Variants in SLC24A3 observed in about 807,000 individuals in gnomAD.
SLC24A3 encodes solute carrier family 24 member 3, also known as sodium/potassium/calcium exchanger 3.
SLC24A3 carries 28 observed loss-of-function variants against 75.8 expected under a neutral mutation model. That is an observed-to-expected ratio of 0.37 (90% CI 0.27 to 0.51). The LOEUF (loss-of-function observed/expected upper bound fraction) is 0.51, where lower values mean the gene tolerates loss of function less well. SLC24A3 is among the 20% of genes least tolerant of loss of function. The pLI is 0.94. For missense variants in SLC24A3, 663 were observed against 847.8 expected (o/e 0.78, Z 2.71); for synonymous variants, 372 against 334.1 (o/e 1.11, Z -1.24).
intron 2 of SLC24A3, among the ~76,000 whole-genome samples, chr20:19,481,369 A>G (rs975838274): frequency 5.3e-5 from 8 of 152,210 alleles, no homozygotes; most frequent in Admixed American, 3.9e-4. Flanking sequence ...GTATGAGGCC[A>G]CAGCCACCAT....
Position 19,693,441 on chromosome 20 carries a change from AC to A in SLC24A3, c.1491+20del. On this transcript the variant is annotated intron_variant, in intron 13 of 16. Transcript: ENST00000328041. ...GGTGTGGATGGTGAGTGCAATCGGG[AC>A]CCCATGGCACTGTTAAATCTCTTTA... The A allele has an allele frequency of 6.2e-7, 1 of 1,612,016 alleles. No homozygotes were observed. Among genetic ancestry groups the A allele is most frequent in the East Asian group, 2.2e-5 (1 of 44,868 alleles).
chr20:19,225,985 T>A (rs1981858115), intron 1 of SLC24A3, among the ~76,000 whole-genome samples: 1 of 152,198 alleles, frequency 6.6e-6, no homozygotes, highest in South Asian at 2.1e-4. Flanking sequence ...TGGACATCCT[T>A]GTCTTGTGTC....
At chr20:19,487,655 A>C (rs1326856683) in intron 2 of SLC24A3, among the ~76,000 whole-genome samples, 1 of 152,186 alleles carries the variant, frequency 6.6e-6, no homozygotes, top group African/African-American at 2.4e-5. Flanking sequence ...GATATCAAGA[A>C]ATTCCATCTT....
At chr20:19,422,337 C>G (rs1418429521) in intron 2 of SLC24A3, among the ~76,000 whole-genome samples, 2 of 152,108 alleles carry the variant, frequency 1.3e-5, no homozygotes, top group Admixed American at 6.5e-5. Flanking sequence ...CAGGCTGCTA[C>G]TGGCTAGACG....
At chr20:19,387,313 C>CT (rs1986288943) in intron 2 of SLC24A3, among the ~76,000 whole-genome samples, 3 of 151,196 alleles carry the variant, frequency 2.0e-5, no homozygotes, top group Admixed American at 6.6e-5. Context: ...CTTTTTATTG[C>CT]TTTTTTCTCT....
chr20:19,709,826 G>A (rs2032970657), intron 15 of SLC24A3, among the ~76,000 whole-genome samples: 1 of 152,134 alleles, frequency 6.6e-6, no homozygotes, highest in Non-Finnish European at 1.5e-5. Context: ...ACCTCTCTGA[G>A]CCTCAGTTGT....
chr20:19,403,075 G>A (rs1210783667), intron 2 of SLC24A3, among the ~76,000 whole-genome samples: 1 of 152,188 alleles, frequency 6.6e-6, no homozygotes, highest in East Asian at 1.9e-4. Flanking sequence ...CAGGTAATGT[G>A]AGATGTCGTG....
At chr20:19,290,969 G>A (rs1397181421) in intron 2 of SLC24A3, among the ~76,000 whole-genome samples, 1 of 152,190 alleles carries the variant, frequency 6.6e-6, no homozygotes, top group African/African-American at 2.4e-5. Context: ...AAACACCAGG[G>A]TGTGTTTCAC....
rs1039167231 is a variant in SLC24A3 at position 19,602,753 on chromosome 20, C to T, written c.612+17209C>T. On this transcript the variant is annotated intron_variant, in intron 6 of 16. Coordinates refer to ENST00000328041, the MANE Select transcript of SLC24A3 (RefSeq NM_020689.4). ...ACGTACATGAAATCCCTGCTTATGG[C>T]TCTGTCCAGAGGAGGCCTGTCCAAA... 5.3e-5 allele frequency among the ~76,000 whole-genome samples: 8 copies of T among 152,198 alleles called. No individual in the cohort carries two copies. In the East Asian group the frequency reaches 5.8e-4, roughly 11 times the overall value.
intron 2 of SLC24A3, among the ~76,000 whole-genome samples, chr20:19,326,401 C>T (rs1240557869): frequency 1.3e-5 from 2 of 152,070 alleles, no homozygotes; most frequent in African/African-American, 2.4e-5. Context: ...ATCCTGACTA[C>T]TCTCTTCTTT....
intron 3 of SLC24A3, among the ~76,000 whole-genome samples, chr20:19,526,347 C>T (rs1316035631): frequency 6.6e-6 from 1 of 152,148 alleles, no homozygotes; most frequent in African/African-American, 2.4e-5. Flanking sequence ...TATTCTGGGC[C>T]TCAGTGTCTC....
intron 15 of SLC24A3, among the ~76,000 whole-genome samples, chr20:19,707,470 A>G (rs1395900561): frequency 1.3e-5 from 2 of 152,220 alleles, no homozygotes; most frequent in Non-Finnish European, 2.9e-5. Flanking sequence ...AGCTATTGCA[A>G]ACTTTTCAGG....
At chr20:19,286,485 G>A (rs1320480864) in intron 2 of SLC24A3, among the ~76,000 whole-genome samples, 1 of 151,986 alleles carries the variant, frequency 6.6e-6, no homozygotes, top group East Asian at 1.9e-4. Context: ...TCAGAGGGCT[G>A]GACATGACCA....
chr20:19,413,404 A>T (rs1031557826), intron 2 of SLC24A3, among the ~76,000 whole-genome samples: 1 of 152,178 alleles, frequency 6.6e-6, no homozygotes, highest in African/African-American at 2.4e-5. Flanking sequence ...GAGCAGAGGA[A>T]TTGGAGGAAA....
intron 2 of SLC24A3, among the ~76,000 whole-genome samples, chr20:19,415,837 CTTAATGT>C (rs57769319): frequency 0.56 from 84,437 of 151,932 alleles, 24,298 homozygotes; most frequent in East Asian, 0.91. Context: ...TTTTAGACTT[CTTAATGT>C]CTTAAATTAA....
At chr20:19,548,680 C>A (rs1486896096) in intron 3 of SLC24A3, among the ~76,000 whole-genome samples, 4 of 152,180 alleles carry the variant, frequency 2.6e-5, no homozygotes, top group Admixed American at 2.0e-4. Flanking sequence ...AAGAGTCCAG[C>A]CTCTTTTGAG....
At chr20:19,407,593 A>C (rs1353006997) in intron 2 of SLC24A3, among the ~76,000 whole-genome samples, 1 of 152,264 alleles carries the variant, frequency 6.6e-6, no homozygotes, top group Admixed American at 6.5e-5. Flanking sequence ...TGTCTATTTT[A>C]GGAATCTTTA....
chr20:19,560,081 C>T (rs1383483121), intron 3 of SLC24A3, among the ~76,000 whole-genome samples: 1 of 152,140 alleles, frequency 6.6e-6, no homozygotes, highest in African/African-American at 2.4e-5. Flanking sequence ...AAGCCCACTC[C>T]AGCACAGCCC....
intron 7 of SLC24A3, 62 bp downstream of exon 7, chr20:19,654,198 A>C: frequency 6.7e-7 from 1 of 1,493,826 alleles, no homozygotes; most frequent in Non-Finnish European, 9.3e-7. Context: ...GGGTGGTGTG[A>C]GGCTCCTCCA....
Sources: gnomAD v4.1 joint callset for allele counts (sites outside exome capture counted in the v4.1 genomes callset) on GRCh38, gnomAD v4.1.1 for gene constraint, MANE v1.5 for transcripts, NCBI Gene and HGNC (gene_info 2026-07-23, HGNC 2026-07-21) for gene names.